GALNS: variants seen among roughly 807,000 people sequenced by gnomAD.
GALNS encodes N-acetylgalactosamine-6-sulfatase.
Under a neutral mutation model 65.9 loss-of-function variants are expected in GALNS, and 65 were observed. That is an observed-to-expected ratio of 0.99 (90% CI 0.81 to 1.21). The LOEUF is 1.21. GALNS is among the 50% of genes most tolerant of loss of function. The pLI, the probability that GALNS is intolerant of heterozygous loss-of-function variation, is 0.00. For synonymous variants in GALNS, 346 were observed against 288.9 expected (o/e 1.20, Z -2.00); for missense variants, 776 against 700.7 (o/e 1.11, Z -1.21).
rs745626912 is a variant in GALNS at position 88,856,750 on chromosome 16, G to C, written c.120+8C>G. 35 of 1,084,560 alleles carry C rather than the reference G, an allele frequency of 3.2e-5. No homozygotes were observed. In the South Asian group the frequency reaches 4.6e-4, roughly 14 times the overall value. 67.2% of individuals were successfully genotyped at this position (1,084,560 alleles called of 1,614,324 possible). ...CCGGCCCTGCCCCGTCCCACCGCCC[G>C]CACTCACGTCGTCCATGAGCAGGAG... On this transcript the variant is annotated splice_region_variant and intron_variant, in intron 1 of 13. Coordinates refer to ENST00000268695, the MANE Select transcript of GALNS (RefSeq NM_000512.5).
At chr16:88,824,621 C>T in intron 11 of GALNS, 146 bp downstream of exon 11, 1 of 719,634 alleles carries the variant, frequency 1.4e-6, no homozygotes, top group South Asian at 1.5e-5. Flanking sequence ...CGCTGAACGA[C>T]TGGGGGCCAC....
intron 5 of GALNS, 23 bp from the exon 6 acceptor site, chr16:88,836,290 C>T (rs568370104): frequency 6.0e-5 from 95 of 1,593,732 alleles, no homozygotes; most frequent in Non-Finnish European, 7.7e-5. Flanking sequence ...CAGATCCAGA[C>T]AGACTTCAGA....
intron 4 of GALNS, 197 bp from the exon 5 acceptor site, chr16:88,837,962 C>T: frequency 1.7e-6 from 1 of 598,456 alleles, no homozygotes; most frequent in Non-Finnish European, 3.0e-6. Context: ...TGCCCGCCTA[C>T]CCTGCAGAGC....
At chr16:88,849,525 A>T (rs908742503) in intron 1 of GALNS, among the ~76,000 whole-genome samples, 1 of 152,100 alleles carries the variant, frequency 6.6e-6, no homozygotes, top group Non-Finnish European at 1.5e-5. Flanking sequence ...ACCTCAGGTG[A>T]TCCACCTGCC....
intron 9 of GALNS, among the ~76,000 whole-genome samples, chr16:88,829,473 A>C (rs1402162202): frequency 1.3e-5 from 2 of 152,138 alleles, no homozygotes; most frequent in East Asian, 3.9e-4. Context: ...GGTCTCTTCC[A>C]CCTTCAGGGT....
In GALNS at chr16:88,842,847, G is replaced by C. The variant is rs200396173; in HGVS notation, c.121-18C>G. On this transcript the variant is annotated intron_variant, in intron 1 of 13. Transcript: ENST00000268695. ...CATCCCATCTGCAGGGAAGAGCACG[G>C]GGAGGAGGAATGAGCGCCTTCTGCA... 1 of 1,612,408 alleles carries C rather than the reference G, an allele frequency of 6.2e-7. No individual in the cohort carries two copies. The highest frequency in any genetic ancestry group is 1.7e-5 in the Admixed American group (1 of 59,960).
At chr16:88,826,945 G>T in intron 9 of GALNS, 107 bp from the exon 10 acceptor site, 1 of 1,331,270 alleles carries the variant, frequency 7.5e-7, no homozygotes, top group African/African-American at 1.4e-5. Context: ...TGGGTCTACA[G>T]ATATGCATAC....
chr16:88,830,146 G>A (rs1229236981), intron 9 of GALNS, among the ~76,000 whole-genome samples: 4 of 149,562 alleles, frequency 2.7e-5, no homozygotes, highest in African/African-American at 5.0e-5. Context: ...CAGGAGAATC[G>A]CTTGAATCTG....
chr16:88,851,800 C>G (rs1052232336), intron 1 of GALNS, among the ~76,000 whole-genome samples: 1 of 152,250 alleles, frequency 6.6e-6, no homozygotes, highest in Non-Finnish European at 1.5e-5. Flanking sequence ...GGCAGCCTGC[C>G]TGGGGAGGGG....
rs553245214 is a variant in GALNS at position 88,817,895 on chromosome 16, G to A, written c.1482+112C>T. The A allele has an allele frequency of 1.5e-5, 14 of 928,012 alleles. No individual in the cohort carries two copies. The African/African-American group carries it at 1.8e-4, about 12-fold the overall frequency. The allele number at this position is 928,012 out of a possible 1,614,324, so 57.5% of individuals were successfully genotyped here. A position where few individuals can be genotyped will look rare whatever the true frequency, so the allele number is the denominator to read the frequency against. On this transcript the variant is annotated intron_variant, in intron 13 of 13. Coordinates refer to ENST00000268695, the MANE Select transcript of GALNS (RefSeq NM_000512.5). ...GCACGAGGGCCTCACCACTGACGGAGGCGGGGAAGCACGCCTGCCTCTGCC... is the reference window on the plus strand; with the variant it reads ...GCACGAGGGCCTCACCACTGACGGAAGCGGGGAAGCACGCCTGCCTCTGCC...
intron 3 of GALNS, 83 bp from the exon 4 acceptor site, chr16:88,841,177 C>T (rs1021320933): frequency 8.7e-6 from 9 of 1,036,210 alleles, no homozygotes; most frequent in South Asian, 2.6e-5. Flanking sequence ...CTGGGGGCTG[C>T]GTCCACACAT....
chr16:88,827,165 C>G (rs746913982), intron 9 of GALNS: 8 of 456,520 alleles, frequency 1.8e-5, no homozygotes, highest in African/African-American at 9.9e-5. Flanking sequence ...GGATCAGCCT[C>G]GCTCTAACAC....
chr16:88,840,986 A>G lies in GALNS; in HGVS notation c.422+6T>C, dbSNP rs771954553. On this transcript the variant is annotated splice_donor_region_variant and intron_variant, in intron 4 of 13. Coordinates refer to ENST00000268695, the MANE Select transcript of GALNS (RefSeq NM_000512.5). Reference sequence around the variant, plus strand: ...ACGCCTGGGCAGGCGTGGCCAGGAGACTTACCACTTGCCGACAATCTTGCT... The same window carrying G: ...ACGCCTGGGCAGGCGTGGCCAGGAGGCTTACCACTTGCCGACAATCTTGCT... The G allele has an allele frequency of 1.9e-5, 30 of 1,610,252 alleles. No homozygotes were observed. The highest frequency in any genetic ancestry group is 2.3e-5 in the Non-Finnish European group (27 of 1,177,288).
chr16:88,845,400 G>A (rs921402370), intron 1 of GALNS: 1 of 151,794 alleles, frequency 6.6e-6, no homozygotes, highest in Middle Eastern at 3.4e-3. Flanking sequence ...TTTGACCCAT[G>A]GGCTGGAGTT....
At chr16:88,818,262 G>C (rs550906665) in intron 12 of GALNS, 138 bp from the exon 13 acceptor site, 1 of 744,470 alleles carries the variant, frequency 1.3e-6, no homozygotes, top group South Asian at 1.5e-5. Flanking sequence ...ATGTGCTCAA[G>C]CCTGCAGCGG....
chr16:88,818,254 G>A, intron 12 of GALNS, 130 bp from the exon 13 acceptor site: 1 of 792,670 alleles, frequency 1.3e-6, no homozygotes, highest in Admixed American at 2.0e-5. Flanking sequence ...CTGGGACCAT[G>A]TGCTCAAGCC....
intron 4 of GALNS, among the ~76,000 whole-genome samples, chr16:88,839,602 C>T (rs1245815119): frequency 6.6e-6 from 1 of 152,144 alleles, no homozygotes; most frequent in African/African-American, 2.4e-5. Context: ...GACAACACCC[C>T]TACTGCCCTG....
chr16:88,836,396 C>T lies in GALNS; in HGVS notation c.567-129G>A. 5.1e-6 allele frequency: 4 copies of T among 785,262 alleles called. No individual in the cohort carries two copies. In the South Asian group the frequency reaches 5.8e-5, roughly 11 times the overall value. The allele number at this position is 785,262 out of a possible 1,614,324, so 48.6% of individuals were successfully genotyped here. On this transcript the variant is annotated intron_variant, in intron 5 of 13. Coordinates refer to ENST00000268695, the MANE Select transcript of GALNS (RefSeq NM_000512.5). ...TAGGGCTGGGCGTCATGGCTCATGC[C>T]TGTAATCCCAGCATTTTGGGAGGCT...
chr16:88,817,328 G>A (rs549906580), intron 13 of GALNS: 5 of 985,332 alleles, frequency 5.1e-6, no homozygotes, highest in Non-Finnish European at 6.0e-6. Flanking sequence ...GTTTCTGGCC[G>A]ATGCTGGCGT....
Sources: gnomAD v4.1 joint callset for allele counts (sites outside exome capture counted in the v4.1 genomes callset) on GRCh38, gnomAD v4.1.1 for gene constraint, MANE v1.5 for transcripts, NCBI Gene and HGNC (gene_info 2026-07-23, HGNC 2026-07-21) for gene names.